Variants in ASIC2 observed in about 807,000 individuals in gnomAD.
The protein encoded by ASIC2 is acid-sensing ion channel 2.
A neutral mutation model predicts 57.3 loss-of-function variants in ASIC2; 25 were observed. The ratio of observed to expected loss-of-function variants is 0.44; its 90% CI spans 0.32 to 0.61. ASIC2 has a LOEUF of 0.61. Ranked by LOEUF, ASIC2 falls within the 20% of genes least tolerant of loss-of-function variation. ASIC2 has a pLI of 0.06. For synonymous variants in ASIC2, 319 were observed against 307.5 expected, an observed-to-expected ratio of 1.04 and a Z score of -0.39; for missense variants, 641 against 738.1, an observed-to-expected ratio of 0.87 and a Z score of 1.52.
At chr17:33,799,461 TCTTTCTTTCTTTCTTTC>T (rs1912057692) in intron 1 of ASIC2, among the ~76,000 whole-genome samples, 1 of 140,644 alleles carries the variant, frequency 7.1e-6, no homozygotes, top group African/African-American at 2.8e-5. Context: ...TTTCTTTCTT[TCTTTCTTTCTTTCTTTC>T]CTTCTTTCTT....
intron 1 of ASIC2, among the ~76,000 whole-genome samples, chr17:33,765,114 T>C (rs1371837518): frequency 6.7e-6 from 1 of 148,398 alleles, no homozygotes; most frequent in Non-Finnish European, 1.5e-5. Flanking sequence ...TTGTTTTTTG[T>C]TTTTTTTTTG....
intron 3 of ASIC2, among the ~76,000 whole-genome samples, chr17:33,029,343 C>T (rs1022568295): frequency 2.6e-5 from 4 of 152,174 alleles, no homozygotes; most frequent in Non-Finnish European, 4.4e-5. Context: ...TTGGCTTTGC[C>T]TGTTCTCAAA....
intron 1 of ASIC2, among the ~76,000 whole-genome samples, chr17:33,253,202 T>G (rs985247938): frequency 6.6e-6 from 1 of 152,230 alleles, no homozygotes; most frequent in Non-Finnish European, 1.5e-5. Flanking sequence ...GAGACAGAGC[T>G]GGAGTTCAAA....
chr17:33,861,350 T>C (rs1036288098), intron 1 of ASIC2, among the ~76,000 whole-genome samples: 1 of 152,144 alleles, frequency 6.6e-6, no homozygotes, highest in Non-Finnish European at 1.5e-5. Context: ...GGAATAATGC[T>C]TTTTTTCACA....
intron 1 of ASIC2, among the ~76,000 whole-genome samples, chr17:33,800,556 C>T (rs908424476): frequency 6.6e-6 from 1 of 152,132 alleles, no homozygotes; most frequent in Non-Finnish European, 1.5e-5. Flanking sequence ...TCTCCCACTT[C>T]CCTGACAATC....
intron 1 of ASIC2, among the ~76,000 whole-genome samples, chr17:33,323,755 A>G (rs1194991977): frequency 6.6e-6 from 1 of 152,206 alleles, no homozygotes; most frequent in East Asian, 1.9e-4. Flanking sequence ...ACCAGACACA[A>G]AAGTGTGTGT....
At chr17:33,122,262 C>T (rs1486421587) in intron 1 of ASIC2, among the ~76,000 whole-genome samples, 2 of 152,192 alleles carry the variant, frequency 1.3e-5, no homozygotes, top group African/African-American at 2.4e-5. Context: ...GTCAGGGGTG[C>T]TCACGGTACA....
At chr17:33,507,170 G>A (rs1914289142) in intron 1 of ASIC2, among the ~76,000 whole-genome samples, 2 of 152,204 alleles carry the variant, frequency 1.3e-5, no homozygotes, top group African/African-American at 2.4e-5. Flanking sequence ...ATTAGTCCCT[G>A]AAAACAGCTC....
At chr17:33,519,119 C>T (rs955699858) in intron 1 of ASIC2, among the ~76,000 whole-genome samples, 1 of 152,214 alleles carries the variant, frequency 6.6e-6, no homozygotes, top group African/African-American at 2.4e-5. Context: ...CGCGCCGGGC[C>T]GATAACTACT....
intron 2 of ASIC2, among the ~76,000 whole-genome samples, chr17:33,110,243 T>G (rs1193558163): frequency 6.6e-6 from 1 of 152,194 alleles, no homozygotes; most frequent in African/African-American, 2.4e-5. Context: ...TAAGTTCTGG[T>G]GTCTGCAAGA....
chr17:33,993,703 A>G (rs1906068851), intron 1 of ASIC2, among the ~76,000 whole-genome samples: 1 of 152,180 alleles, frequency 6.6e-6, no homozygotes, highest in South Asian at 2.1e-4. Flanking sequence ...TGTGTTTGGT[A>G]TCATGTACTG....
At chr17:33,493,707 T>C (rs1913835450) in intron 1 of ASIC2, among the ~76,000 whole-genome samples, 1 of 152,164 alleles carries the variant, frequency 6.6e-6, no homozygotes, top group Non-Finnish European at 1.5e-5. Flanking sequence ...TGCCCTTGCC[T>C]TGCTGGGAAC....
intron 1 of ASIC2, among the ~76,000 whole-genome samples, chr17:33,246,620 C>T (rs761211122): frequency 6.6e-6 from 1 of 152,198 alleles, no homozygotes; most frequent in Non-Finnish European, 1.5e-5. Flanking sequence ...TAAGGAATCC[C>T]TCCTGAGCTA....
At chr17:33,089,918 T>G (rs1242328073) in intron 2 of ASIC2, among the ~76,000 whole-genome samples, 3 of 152,112 alleles carry the variant, frequency 2.0e-5, no homozygotes, top group Non-Finnish European at 4.4e-5. Flanking sequence ...CAGTGGAAAA[T>G]GAACTTATGG....
intron 1 of ASIC2, among the ~76,000 whole-genome samples, chr17:33,485,833 C>G (rs1373217019): frequency 6.6e-6 from 1 of 152,154 alleles, no homozygotes; most frequent in Non-Finnish European, 1.5e-5. Context: ...AGTGGTGCAC[C>G]CCAGTCCCGA....
chr17:33,979,944 G>GGCCT (rs1021408463), intron 1 of ASIC2, among the ~76,000 whole-genome samples: 18 of 152,008 alleles, frequency 1.2e-4, no homozygotes, highest in Non-Finnish European at 2.9e-5. Flanking sequence ...GTGCCCCTTA[G>GGCCT]GCCTCCTCTC....
intron 1 of ASIC2, among the ~76,000 whole-genome samples, chr17:34,103,635 G>C (rs904401048): frequency 6.6e-6 from 1 of 151,768 alleles, no homozygotes; most frequent in East Asian, 1.9e-4. Context: ...TGGTGTGTGT[G>C]GTGTGAGGTC....
At chr17:33,948,664 C>T (rs12600788) in intron 1 of ASIC2, among the ~76,000 whole-genome samples, 37,996 of 152,156 alleles carry the variant, frequency 0.25, 5,518 homozygotes, top group Admixed American at 0.35. Flanking sequence ...CTGGCTTCCC[C>T]GCTTAGTAGC....
intron 1 of ASIC2, among the ~76,000 whole-genome samples, chr17:34,076,160 GC>G (rs1909643580): frequency 1.3e-5 from 2 of 151,998 alleles, no homozygotes; most frequent in Admixed American, 6.6e-5. Context: ...CTGCCACCAT[GC>G]CTGGCTAATT....
Sources: allele counts gnomAD v4.1 joint callset (sites outside exome capture counted in the v4.1 genomes callset), GRCh38; gene constraint gnomAD v4.1.1; transcripts MANE v1.5; gene names NCBI Gene and HGNC (gene_info 2026-07-23, HGNC 2026-07-21).